PCDHA6: variants seen among roughly 807,000 people sequenced by gnomAD.
PCDHA6 encodes protocadherin alpha 6.
A neutral mutation model predicts 60.3 loss-of-function variants in PCDHA6; 55 were observed. That is an observed-to-expected ratio of 0.91 (90% CI 0.73 to 1.14). The LOEUF (loss-of-function observed/expected upper bound fraction) is 1.14, where lower values mean the gene tolerates loss of function less well. Among genes scored for constraint, PCDHA6 ranks in the 50% most tolerant of loss-of-function variants. PCDHA6 has a pLI of 0.00. For synonymous variants in PCDHA6, 652 were observed against 557.9 expected, an observed-to-expected ratio of 1.17 and a Z score of -2.38; for missense variants, 1,327 against 1,256.5, an observed-to-expected ratio of 1.06 and a Z score of -0.85.
At chr5:140,886,830 A>G (rs2061165550) in intron 1 of PCDHA6, among the ~76,000 whole-genome samples, 1 of 150,424 alleles carries the variant, frequency 6.6e-6, no homozygotes, top group Non-Finnish European at 1.5e-5. Flanking sequence ...TCGTCTTGAA[A>G]AAAAAAAAAA....
intron 1 of PCDHA6, chr5:140,849,805 C>T: frequency 6.3e-7 from 1 of 1,598,382 alleles, no homozygotes; most frequent in Non-Finnish European, 8.6e-7. Flanking sequence ...TCACTGTGGG[C>T]CACGGCCAGG....
intron 1 of PCDHA6, chr5:140,926,614 C>G: frequency 2.6e-6 from 1 of 377,760 alleles, no homozygotes; most frequent in Non-Finnish European, 4.6e-6. Flanking sequence ...TCTCTGCACC[C>G]CTAGGCGGCG....
chr5:140,862,382 G>T, intron 1 of PCDHA6: 1 of 345,046 alleles, frequency 2.9e-6, no homozygotes, highest in South Asian at 2.3e-5. Flanking sequence ...GACTCCTCAC[G>T]TCTCTTCAAG....
chr5:140,852,913 C>G, intron 1 of PCDHA6: 9 of 789,792 alleles, frequency 1.1e-5, no homozygotes, highest in Non-Finnish European at 1.4e-5. Flanking sequence ...GAGTCTCGCT[C>G]TGTTGCCCAG....
chr5:140,842,398 A>T, intron 1 of PCDHA6: 1 of 1,611,514 alleles, frequency 6.2e-7, no homozygotes, highest in Admixed American at 1.7e-5. Flanking sequence ...CCTTGCCTGT[A>T]CGTGAAGACG....
At chr5:141,000,052 C>G (rs945182675) in intron 3 of PCDHA6, among the ~76,000 whole-genome samples, 2 of 152,100 alleles carry the variant, frequency 1.3e-5, no homozygotes, top group Admixed American at 1.3e-4. Flanking sequence ...CACCACTCTC[C>G]CAGCTGCTCT....
In PCDHA6 at chr5:140,846,411, A is replaced by G. The variant is rs2150390591; in HGVS notation, c.2394+15926A>G. On this transcript the variant is annotated intron_variant, in intron 1 of 3. Transcript: ENST00000529310. ...TTTTTTTGAGACGGAGTCTCGCTCT[A>G]TCTCCCAGGCTGGAATGCAGTGGCG... is the stretch of plus-strand genomic sequence containing the variant. Among the ~76,000 whole-genome samples the G allele has an allele frequency of 5.5e-3, 604 of 109,334 alleles. 20 individuals are homozygous for G. The highest frequency in any genetic ancestry group is 0.021 in the African/African-American group (587 of 27,602). 71.7% of individuals were successfully genotyped at this position (109,334 alleles called of 152,430 possible). A position where few individuals can be genotyped will look rare whatever the true frequency, so the allele number is the denominator to read the frequency against.
intron 1 of PCDHA6, chr5:140,851,028 C>G: frequency 7.1e-7 from 1 of 1,410,134 alleles, no homozygotes. Flanking sequence ...AAAGTAAACC[C>G]CTTAACATTG....
At chr5:140,862,877 G>T in intron 1 of PCDHA6, 1 of 567,556 alleles carries the variant, frequency 1.8e-6, no homozygotes. Flanking sequence ...CCAGGTATTA[G>T]TGCTGGAACG....
intron 1 of PCDHA6, among the ~76,000 whole-genome samples, chr5:140,973,426 C>T (rs1554235288): frequency 6.6e-6 from 1 of 152,192 alleles, no homozygotes; most frequent in East Asian, 1.9e-4. Flanking sequence ...GTTTTTCATC[C>T]TCTGATGGTC....
chr5:140,860,505 A>T (rs2046425472), intron 1 of PCDHA6: 1 of 152,218 alleles, frequency 6.6e-6, no homozygotes, highest in African/African-American at 2.4e-5. Flanking sequence ...TACATACAAG[A>T]TAAAACTCTT....
chr5:141,008,871 C>T (rs1249220900), intron 3 of PCDHA6, among the ~76,000 whole-genome samples: 2 of 152,168 alleles, frequency 1.3e-5, no homozygotes, highest in African/African-American at 4.8e-5. Context: ...TGCTGCATCC[C>T]ACCACCCTTC....
intron 1 of PCDHA6, chr5:140,855,848 A>G: frequency 1.5e-6 from 1 of 662,286 alleles, no homozygotes; most frequent in South Asian, 2.3e-5. Context: ...ACCTAAAGCC[A>G]CCGGATGTCG....
At chr5:140,869,721 G>A (rs1554163371) in intron 1 of PCDHA6, 2 of 1,613,340 alleles carry the variant, frequency 1.2e-6, no homozygotes, top group Non-Finnish European at 1.7e-6. Flanking sequence ...AGAAAACTCC[G>A]GAACTTAATT....
chr5:140,966,937 C>T (rs2096072123), intron 1 of PCDHA6: 6 of 1,604,032 alleles, frequency 3.7e-6, no homozygotes, highest in Non-Finnish European at 5.1e-6. Flanking sequence ...CCGGCGCGCT[C>T]GTGGGCAACG....
chr5:140,985,739 CTTTTTTT>C (rs11372071), intron 3 of PCDHA6, among the ~76,000 whole-genome samples: 2 of 117,922 alleles, frequency 1.7e-5, no homozygotes, highest in African/African-American at 6.4e-5. Flanking sequence ...TGATGAATTC[CTTTTTTT>C]TTTTTTTTTT....
At chr5:140,846,871 A>G (rs1338632636) in intron 1 of PCDHA6, among the ~76,000 whole-genome samples, 1 of 149,786 alleles carries the variant, frequency 6.7e-6, no homozygotes, top group Non-Finnish European at 1.5e-5. Flanking sequence ...AACAGGTACA[A>G]GAGGTAAATC....
Position 140,830,339 on chromosome 5 carries a change from T to C in PCDHA6, c.2248T>C (p.Tyr750His). Residue 750 changes from tyrosine to histidine, a missense_variant, in exon 1 of 4, where the codon TAC (tyrosine) becomes CAC (histidine). Transcript: ENST00000529310. The stretch of plus-strand genomic sequence containing the variant: ...CTCCAGCGCAGTGGGGAGCTGGTCG[T>C]ACTCGCAGCAGAGGCGGCAGAGGGT... ...VCSSAVGSWS[Y>H]SQQRRQRVCS... is the part of the protein sequence containing the mutation. 1 of 1,613,958 alleles carries C rather than the reference T, an allele frequency of 6.2e-7. No individual in the cohort carries two copies. The highest frequency in any genetic ancestry group is 8.5e-7 in the Non-Finnish European group (1 of 1,179,926).
intron 1 of PCDHA6, among the ~76,000 whole-genome samples, chr5:140,952,031 A>G (rs782611414): frequency 1.6e-4 from 24 of 152,232 alleles, no homozygotes; most frequent in Admixed American, 4.6e-4. Context: ...TCCGAAATCC[A>G]GTAGGGCAGT....
Sources: allele counts gnomAD v4.1 joint callset (sites outside exome capture counted in the v4.1 genomes callset), GRCh38; gene constraint gnomAD v4.1.1; transcripts MANE v1.5; gene names NCBI Gene and HGNC (gene_info 2026-07-23, HGNC 2026-07-21).